Variants in KCNMB2 observed in about 807,000 individuals in gnomAD.
KCNMB2 encodes calcium-activated potassium channel subunit beta-2.
Under a neutral mutation model 24.5 loss-of-function variants are expected in KCNMB2, and 9 were observed. The ratio of observed to expected loss-of-function variants is 0.37; its 90% confidence interval spans 0.22 to 0.64. The LOEUF is 0.64. KCNMB2 is among the 30% of genes least tolerant of loss of function. KCNMB2 has a pLI of 0.63. For missense variants in KCNMB2, 226 were observed against 284.3 expected (o/e 0.79, Z 1.47); for synonymous variants, 109 against 104.4 (o/e 1.04, Z -0.27).
intron 1 of KCNMB2, among the ~76,000 whole-genome samples, chr3:178,775,626 G>A (rs1157996874): frequency 6.6e-6 from 1 of 152,124 alleles, no homozygotes; most frequent in Non-Finnish European, 1.5e-5. Flanking sequence ...ATACCAAATA[G>A]CTACCCTTCT....
chr3:178,645,045 A>ATTTTTTT (rs10576689), intron 1 of KCNMB2, among the ~76,000 whole-genome samples: 7 of 92,442 alleles, frequency 7.6e-5, no homozygotes, highest in South Asian at 3.7e-4. Flanking sequence ...AAGATCCAAG[A>ATTTTTTT]TTTTTTTTTT....
At chr3:178,567,049 C>T (rs745703851) in intron 1 of KCNMB2, among the ~76,000 whole-genome samples, 3 of 152,062 alleles carry the variant, frequency 2.0e-5, no homozygotes, top group African/African-American at 4.8e-5. Flanking sequence ...GGAAGTAGTT[C>T]GATTATTTTC....
At chr3:178,672,998 T>C (rs1335142877) in intron 1 of KCNMB2, among the ~76,000 whole-genome samples, 1 of 151,872 alleles carries the variant, frequency 6.6e-6, no homozygotes, top group Non-Finnish European at 1.5e-5. Flanking sequence ...AAACCATTGA[T>C]GGCCCAAAGA....
intron 4 of KCNMB2, among the ~76,000 whole-genome samples, chr3:178,840,539 T>G (rs1715391418): frequency 6.6e-6 from 1 of 152,262 alleles, no homozygotes; most frequent in African/African-American, 2.4e-5. Context: ...GAATTCTGCC[T>G]GGACACCCAG....
At chr3:178,601,545 G>T (rs1560126040) in intron 1 of KCNMB2, among the ~76,000 whole-genome samples, 1 of 152,104 alleles carries the variant, frequency 6.6e-6, no homozygotes, top group Admixed American at 6.6e-5. Flanking sequence ...GACTCAGAAA[G>T]AACACTTCTA....
intron 1 of KCNMB2, among the ~76,000 whole-genome samples, chr3:178,693,104 C>G (rs1459269739): frequency 6.6e-6 from 1 of 152,228 alleles, no homozygotes; most frequent in African/African-American, 2.4e-5. Context: ...GATTTTGTAT[C>G]CTGAGACTTT....
chr3:178,767,864 G>C (rs1432348910), intron 1 of KCNMB2, among the ~76,000 whole-genome samples: 1 of 151,722 alleles, frequency 6.6e-6, no homozygotes, highest in African/African-American at 2.4e-5. Flanking sequence ...TTCAGCCATG[G>C]ATGAAACACT....
At chr3:178,717,504 G>T (rs975991435) in intron 1 of KCNMB2, among the ~76,000 whole-genome samples, 4 of 152,114 alleles carry the variant, frequency 2.6e-5, no homozygotes, top group African/African-American at 9.7e-5. Context: ...GGGCCAGTCT[G>T]CCAGGTCCAA....
intron 1 of KCNMB2, among the ~76,000 whole-genome samples, chr3:178,733,761 G>A (rs536117982): frequency 1.3e-5 from 2 of 152,180 alleles, no homozygotes; most frequent in Non-Finnish European, 2.9e-5. Flanking sequence ...TTACAGGCAT[G>A]AGCCACCGCA....
At chr3:178,712,413 C>T (rs182870044) in intron 1 of KCNMB2, among the ~76,000 whole-genome samples, 3 of 152,212 alleles carry the variant, frequency 2.0e-5, no homozygotes, top group East Asian at 1.9e-4. Context: ...TACGTTGACT[C>T]GACAAATATT....
At chr3:178,750,463 A>G (rs1335098163) in intron 1 of KCNMB2, among the ~76,000 whole-genome samples, 2 of 152,210 alleles carry the variant, frequency 1.3e-5, no homozygotes, top group South Asian at 4.1e-4. Flanking sequence ...TGATAAGGGC[A>G]ATAGAAAGGC....
intron 1 of KCNMB2, among the ~76,000 whole-genome samples, chr3:178,628,596 C>T (rs1382845776): frequency 1.3e-5 from 2 of 151,966 alleles, no homozygotes; most frequent in African/African-American, 2.4e-5. Context: ...TATCCAGCTC[C>T]GGGTGTGAGT....
intron 1 of KCNMB2, among the ~76,000 whole-genome samples, chr3:178,769,093 G>A (rs949631518): frequency 6.6e-6 from 1 of 152,154 alleles, no homozygotes; most frequent in African/African-American, 2.4e-5. Context: ...CACTTGAAGT[G>A]CAAGACACTT....
intron 1 of KCNMB2, among the ~76,000 whole-genome samples, chr3:178,797,008 A>G (rs1713573439): frequency 6.6e-6 from 1 of 152,078 alleles, no homozygotes; most frequent in African/African-American, 2.4e-5. Context: ...GACTAAGAAA[A>G]CAAGAGAAGA....
intron 1 of KCNMB2, among the ~76,000 whole-genome samples, chr3:178,598,652 G>C (rs1336039488): frequency 4.6e-5 from 7 of 151,814 alleles, no homozygotes; most frequent in Admixed American, 3.3e-4. Flanking sequence ...GGACTCTCAG[G>C]GGTTATAACA....
chr3:178,762,207 G>A (rs1478346275), intron 1 of KCNMB2, among the ~76,000 whole-genome samples: 1 of 152,100 alleles, frequency 6.6e-6, no homozygotes. Context: ...AAAGTAATCG[G>A]AAGAAAAAGG....
At chr3:178,635,755 T>G (rs2108542864) in intron 1 of KCNMB2, among the ~76,000 whole-genome samples, 1 of 152,366 alleles carries the variant, frequency 6.6e-6, no homozygotes, top group East Asian at 1.9e-4. Context: ...TGTGTCTATA[T>G]GGTGACATTT....
intron 1 of KCNMB2, among the ~76,000 whole-genome samples, chr3:178,790,633 C>T (rs1290402890): frequency 6.6e-6 from 1 of 152,172 alleles, no homozygotes; most frequent in Non-Finnish European, 1.5e-5. Context: ...AGGCAGTGGT[C>T]ACTGTGCACC....
At chr3:178,839,511 T>G (rs957463760) in intron 4 of KCNMB2, among the ~76,000 whole-genome samples, 1 of 152,122 alleles carries the variant, frequency 6.6e-6, no homozygotes, top group Non-Finnish European at 1.5e-5. Flanking sequence ...TTAATCTGTT[T>G]TCACACTGCT....
Sources: allele counts gnomAD v4.1 joint callset (sites outside exome capture counted in the v4.1 genomes callset), GRCh38; gene constraint gnomAD v4.1.1; transcripts MANE v1.5; gene names NCBI Gene and HGNC (gene_info 2026-07-23, HGNC 2026-07-21).